Variants in C2 observed in about 807,000 individuals in gnomAD.
The protein encoded by C2 is C3/C5 convertase.
Under a neutral mutation model 85.2 loss-of-function variants are expected in C2, and 64 were observed. The observed-to-expected ratio is 0.75, with a 90% confidence interval of 0.61 to 0.92. The LOEUF is 0.92. Ranked by LOEUF, C2 falls within the 40% of genes least tolerant of loss-of-function variation. C2 has a pLI of 0.00. For synonymous variants in C2, 311 were observed against 370.8 expected (o/e 0.84, Z 1.85); for missense variants, 820 against 971.6 (o/e 0.84, Z 2.07).
chr6:31,941,544 C>T (rs1416538642), intron 9 of C2: 2 of 152,272 alleles, frequency 1.3e-5, no homozygotes, highest in Non-Finnish European at 2.9e-5. Context: ...CCCAGAAGCC[C>T]AGGCTGCAGT....
At chr6:31,928,548 GAAATT>G (rs1269707111) in intron 2 of C2, among the ~76,000 whole-genome samples, 179 bp from the exon 3 acceptor site, 1 of 152,166 alleles carries the variant, frequency 6.6e-6, no homozygotes, top group Non-Finnish European at 1.5e-5. Context: ...TAGACTCTGT[GAAATT>G]GGCAATATTC....
chr6:31,934,118 G>A (rs17207790), intron 5 of C2, 48 bp from the exon 6 acceptor site: 70 of 1,605,832 alleles, frequency 4.4e-5, no homozygotes, highest in Non-Finnish European at 4.9e-5. Flanking sequence ...TGGCGAGAGC[G>A]CAGGAAGGAG....
Position 31,943,324 on chromosome 6 carries a change from C to T in C2, c.1455+5C>T, listed in dbSNP as rs1263895694. Reference sequence around the variant, plus strand: ...CCCTGGCATGTCACTATTAAGGTACCAGGAAGGAGGGGCAGGGCTTGGATT... The same window carrying T: ...CCCTGGCATGTCACTATTAAGGTACTAGGAAGGAGGGGCAGGGCTTGGATT... On this transcript the variant is annotated splice_donor_5th_base_variant and intron_variant, in intron 11 of 17. Transcript: ENST00000299367. The surrounding 1 kb of genome is among the most constrained non-coding windows in gnomAD (Gnocchi z 6.4). 2.5e-6 allele frequency: 4 copies of T among 1,612,410 alleles called. No individual in the cohort carries two copies. The highest frequency in any genetic ancestry group is 1.3e-5 in the African/African-American group (1 of 75,044).
At chr6:31,941,014 C>T (rs1311221907) in intron 9 of C2, among the ~76,000 whole-genome samples, 3 of 152,198 alleles carry the variant, frequency 2.0e-5, no homozygotes, top group East Asian at 3.8e-4. Context: ...GCACCACAGT[C>T]GGAGGACAGG....
rs765603948 is a variant in C2, at chr6:31,937,454, C to T, written c.1124C>T (p.Thr375Ile). Residue 375 changes from threonine (T) to isoleucine (I), a missense_variant, in exon 8 of 18, where the codon ACA (threonine) becomes ATA (isoleucine). Thr to Ile is a moderately conservative substitution (Grantham distance 89). Transcript: ENST00000299367. ...QEIRHAIILL[T>I]DGKSNMGGSP... ...ATCCGACATGCCATCATCCTTCTGA[C>T]AGATGGTGGGTATCATGGTCTCTGA... is the stretch of plus-strand genomic sequence containing the variant. 3 of 1,612,780 alleles carry T rather than the reference C, an allele frequency of 1.9e-6. No individual in the cohort carries two copies. In the South Asian group the frequency reaches 3.3e-5, roughly 18 times the overall value.
In C2 at chr6:31,929,820, T is replaced by C. The variant is rs561247017; in HGVS notation, c.442+903T>C. On this transcript the variant is annotated intron_variant, in intron 3 of 17. Coordinates refer to ENST00000299367, the MANE Select transcript of C2 (RefSeq NM_000063.6). The stretch of plus-strand genomic sequence containing the variant: ...GGGTGGATCACCTGAGGTCAGGAGA[T>C]TGAGACCAGCCTGGTCAACGTGGTG... 6.2e-4 allele frequency among the ~76,000 whole-genome samples: 94 copies of C among 151,190 alleles called. 1 individual carries two copies. The East Asian group carries it at 0.016, about 26-fold the overall frequency.
intron 1 of C2, among the ~76,000 whole-genome samples, chr6:31,905,785 T>C (rs1358940035): frequency 6.6e-6 from 1 of 152,008 alleles, no homozygotes; most frequent in Non-Finnish European, 1.5e-5. Context: ...TGAAGTATTT[T>C]CCAGTCCTAT....
chr6:31,927,336 T>C, upstream of C2: 1 of 296,376 alleles, frequency 3.4e-6, no homozygotes, highest in Non-Finnish European at 6.0e-6. This position sits in a 1 kb window ranked among gnomAD's most constrained non-coding sequence, Gnocchi z 4.7. Flanking sequence ...TCTTGGATGG[T>C]TTGTGGGTTT....
chr6:31,917,001 G>A (rs1265008813), upstream of C2, among the ~76,000 whole-genome samples: 3 of 150,844 alleles, frequency 2.0e-5, no homozygotes, highest in Admixed American at 6.6e-5. Context: ...GTGAAACCTC[G>A]TCTCTACTAA....
At chr6:31,940,590 C>G (rs1770802537) in intron 9 of C2, among the ~76,000 whole-genome samples, 2 of 152,186 alleles carry the variant, frequency 1.3e-5, no homozygotes, top group Non-Finnish European at 2.9e-5. Context: ...CTTAGCTCCT[C>G]TCCTTTCCAT....
intron 9 of C2, chr6:31,941,235 C>T (rs978311073): frequency 1.3e-5 from 2 of 152,196 alleles, no homozygotes; most frequent in African/African-American, 4.8e-5. Flanking sequence ...CTTTTTCTTA[C>T]AGTTCTGGAG....
chr6:31,916,871 A>AC (rs1768563140), upstream of C2, among the ~76,000 whole-genome samples: 2 of 146,692 alleles, frequency 1.4e-5, no homozygotes, highest in Non-Finnish European at 3.0e-5. Flanking sequence ...CATCTCAACA[A>AC]AAAAAAAAAA....
chr6:31,917,734 C>T (rs1296404605), upstream of C2, among the ~76,000 whole-genome samples: 18 of 151,852 alleles, frequency 1.2e-4, no homozygotes, highest in Non-Finnish European at 2.9e-5. Flanking sequence ...GGTGAAACCC[C>T]GTCTCTACTA....
upstream of C2, among the ~76,000 whole-genome samples, chr6:31,924,395 A>G (rs979033388): frequency 3.3e-5 from 5 of 152,154 alleles, no homozygotes; most frequent in Non-Finnish European, 7.3e-5. Flanking sequence ...TTTCTTTATC[A>G]TCATCCACAT....
intron 1 of C2, chr6:31,901,384 C>T (rs1448217404): frequency 2.1e-6 from 3 of 1,439,942 alleles, no homozygotes; most frequent in Non-Finnish European, 2.8e-6. Flanking sequence ...AGCCAAGGCT[C>T]CAGGACCCTC....
intron 1 of C2, among the ~76,000 whole-genome samples, chr6:31,909,339 C>T (rs1476266044): frequency 2.0e-5 from 3 of 151,680 alleles, no homozygotes; most frequent in Admixed American, 6.6e-5. Context: ...CTCTGTTGAC[C>T]AGACTGGAAT....
chr6:31,902,324 G>C (rs2151695096), intron 1 of C2, among the ~76,000 whole-genome samples: 1 of 151,360 alleles, frequency 6.6e-6, no homozygotes, highest in Admixed American at 6.6e-5. Flanking sequence ...CCGCTCACTC[G>C]GGCCCGCCCC....
chr6:31,933,137 G>A (rs1770064206), intron 3 of C2, among the ~76,000 whole-genome samples: 1 of 152,046 alleles, frequency 6.6e-6, no homozygotes, highest in Admixed American at 6.6e-5. Context: ...CATGGGGAGA[G>A]GGTGAGGGAG....
At chr6:31,923,408 T>C (rs958437862), upstream of C2, among the ~76,000 whole-genome samples, 4 of 152,200 alleles carry the variant, frequency 2.6e-5, no homozygotes, top group Admixed American at 2.0e-4. Context: ...TGAAGGAGGC[T>C]GATGAGCAGC....
Sources: allele counts gnomAD v4.1 joint callset (sites outside exome capture counted in the v4.1 genomes callset), GRCh38; gene constraint gnomAD v4.1.1; non-coding constraint Gnocchi (gnomAD v3.1); transcripts MANE v1.5; gene names NCBI Gene and HGNC (gene_info 2026-07-23, HGNC 2026-07-21).